ZMYM4: variants seen among roughly 807,000 people sequenced by gnomAD.
ZMYM4 encodes the protein zinc finger MYM-type containing 4, also known as zinc finger MYM-type protein 4.
In ZMYM4, 31 loss-of-function variants were observed where a neutral mutation model predicts 183.2. That is an observed-to-expected ratio of 0.17 (90% CI 0.13 to 0.23). The LOEUF is 0.23. Among genes scored for constraint, ZMYM4 ranks in the 10% least tolerant of loss-of-function variants. The pLI is 1.00. For missense variants in ZMYM4, 1,273 were observed against 1,840.3 expected (o/e 0.69, Z 5.64); for synonymous variants, 592 against 631.2 (o/e 0.94, Z 0.93).
intron 13 of ZMYM4, among the ~76,000 whole-genome samples, chr1:35,387,888 C>T (rs1330771953): frequency 1.3e-5 from 2 of 152,106 alleles, no homozygotes; most frequent in Non-Finnish European, 2.9e-5. Flanking sequence ...TGATCGGGAC[C>T]TCAAAGAGCT....
intron 27 of ZMYM4, among the ~76,000 whole-genome samples, chr1:35,415,171 G>A (rs1021784259): frequency 6.6e-6 from 1 of 152,144 alleles, no homozygotes; most frequent in African/African-American, 2.4e-5. Flanking sequence ...AGCCTATATG[G>A]CCTACACATC....
chr1:35,413,415 T>C lies in ZMYM4; in HGVS notation c.3949-557T>C, dbSNP rs186201466. Among the ~76,000 whole-genome samples the C allele has an allele frequency of 1.6e-3, 241 of 152,340 alleles. 1 individual carries two copies. The highest frequency in any genetic ancestry group is 2.4e-3 in the Non-Finnish European group (166 of 68,036). ...TGGTTATAATTAACATAGTTCAATG[T>C]CCTATAATTAGACTTGAACTTTTTT... On this transcript the variant is annotated intron_variant, in intron 26 of 29. Transcript: ENST00000314607.
chr1:35,370,224 C>A, intron 6 of ZMYM4, 111 bp downstream of exon 6: 2 of 1,486,832 alleles, frequency 1.3e-6, no homozygotes, highest in Non-Finnish European at 1.8e-6. Flanking sequence ...ACTTAGGATG[C>A]CTTTAAATTG....
At chr1:35,357,935 A>G (rs572639055) in intron 2 of ZMYM4, among the ~76,000 whole-genome samples, 1 of 152,348 alleles carries the variant, frequency 6.6e-6, no homozygotes, top group East Asian at 1.9e-4. Flanking sequence ...GAACAGAAGA[A>G]GAGTATAAAA....
chr1:35,325,086 CT>C lies in ZMYM4; in HGVS notation c.40-270del, dbSNP rs1242240937. On this transcript the variant is annotated intron_variant, in intron 1 of 29. Coordinates refer to ENST00000314607, the MANE Select transcript of ZMYM4 (RefSeq NM_005095.3). ...GTTATTAAAATATATATGATCATCT[CT>C]TTTGTGACATGAATGATTAAAAAAA... Among the ~76,000 whole-genome samples the C allele has an allele frequency of 5.9e-5, 9 of 151,548 alleles. No individual in the cohort carries two copies. The South Asian group carries it at 1.7e-3, about 28-fold the overall frequency.
At chr1:35,286,772 ATTTTTTTTTTTTTTTTTTTTTTTTT>A (rs71062872) in intron 1 of ZMYM4, among the ~76,000 whole-genome samples, 1 of 46,462 alleles carries the variant, frequency 2.2e-5, no homozygotes, top group Non-Finnish European at 4.4e-5. Context: ...TATTTAAATA[ATTTTTTTTTTTTTTTTTTTTTTTTT>A]TTTTTTTTTT....
intron 2 of ZMYM4, among the ~76,000 whole-genome samples, chr1:35,327,254 C>T (rs1642545276): frequency 6.6e-6 from 1 of 152,300 alleles, no homozygotes; most frequent in South Asian, 2.1e-4. Context: ...TTCTTTTATA[C>T]ATGTGTAATT....
At chr1:35,291,054 G>C (rs1640736203) in intron 1 of ZMYM4, among the ~76,000 whole-genome samples, 1 of 152,098 alleles carries the variant, frequency 6.6e-6, no homozygotes, top group African/African-American at 2.4e-5. Flanking sequence ...TATGCATATA[G>C]TGGTAAAATT....
At chr1:35,296,843 CTTTTTTTTTTTT>C (rs780202714) in intron 1 of ZMYM4, among the ~76,000 whole-genome samples, 1 of 95,626 alleles carries the variant, frequency 1.0e-5, no homozygotes, top group African/African-American at 5.1e-5. Flanking sequence ...TTCTTTCTTT[CTTTTTTTTTTTT>C]TTTTTTTTTT....
In ZMYM4 at chr1:35,365,821, T is replaced by C. The variant is rs571517217; in HGVS notation, c.840+4032T>C. 1.1e-3 allele frequency: 171 copies of C among 152,342 alleles called. 1 individual carries two copies. The highest frequency in any genetic ancestry group is 4.0e-3 in the African/African-American group (165 of 41,582). 9.4% of individuals were successfully genotyped at this position (152,342 alleles called of 1,614,324 possible). A position where few individuals can be genotyped will look rare whatever the true frequency, so the allele number is the denominator to read the frequency against. ...TATTAGTATTTGGCTACTCATTGAT[T>C]TGTTTATCAAATACTTGTAAAATTA... is the stretch of plus-strand genomic sequence containing the variant. On this transcript the variant is annotated intron_variant, in intron 5 of 29. Coordinates refer to ENST00000314607, the MANE Select transcript of ZMYM4 (RefSeq NM_005095.3).
chr1:35,300,710 T>C (rs1442449151), intron 1 of ZMYM4, among the ~76,000 whole-genome samples: 8 of 152,348 alleles, frequency 5.3e-5, no homozygotes, highest in South Asian at 4.1e-4. Context: ...ATCTTAGACA[T>C]TGGGTTTTTC....
In ZMYM4 at chr1:35,269,045, A is replaced by C. The variant is rs539681934; in HGVS notation, c.-2A>C. On this transcript the variant is annotated 5_prime_UTR_variant, in exon 1 of 30. Coordinates refer to ENST00000314607, the MANE Select transcript of ZMYM4 (RefSeq NM_005095.3). Reference sequence around the variant, plus strand: ...CCGCAGCGGTTCCGAGCGGGGCCCAACATGGCGGAGAGAGAGGTGGAGTCC... The same window carrying C: ...CCGCAGCGGTTCCGAGCGGGGCCCACCATGGCGGAGAGAGAGGTGGAGTCC... 5.2e-6 allele frequency: 8 copies of C among 1,547,334 alleles called. No individual in the cohort carries two copies. Among genetic ancestry groups the C allele is most frequent in the Middle Eastern group, 2.0e-4 (1 of 4,974 alleles).
At chr1:35,399,139 A>G in intron 22 of ZMYM4, 96 bp downstream of exon 22, 5 of 1,205,916 alleles carry the variant, frequency 4.1e-6, no homozygotes, top group Non-Finnish European at 5.8e-6. Flanking sequence ...ATTGTTATTG[A>G]TAATAACAGT....
intron 18 of ZMYM4, among the ~76,000 whole-genome samples, chr1:35,396,340 A>G (rs921352139): frequency 1.3e-5 from 2 of 152,074 alleles, no homozygotes; most frequent in Non-Finnish European, 2.9e-5. Flanking sequence ...TCCTCACATC[A>G]CTGATATTTG....
intron 19 of ZMYM4, chr1:35,397,142 T>G: frequency 9.0e-7 from 1 of 1,108,276 alleles, no homozygotes; most frequent in Non-Finnish European, 1.1e-6. Context: ...ATTATAGAAT[T>G]ATTCTTTTAG....
intron 1 of ZMYM4, among the ~76,000 whole-genome samples, chr1:35,289,089 A>G (rs1640639059): frequency 6.6e-6 from 1 of 152,210 alleles, no homozygotes; most frequent in South Asian, 2.1e-4. Flanking sequence ...AAATAGAGAA[A>G]ATAATTTTAG....
intron 4 of ZMYM4, 101 bp from the exon 5 acceptor site, chr1:35,361,517 AT>A: frequency 7.5e-7 from 1 of 1,331,142 alleles, no homozygotes; most frequent in Middle Eastern, 2.4e-4. Context: ...ATGAATGTCC[AT>A]AGAGTTCTTC....
rs202221565 is a variant in ZMYM4, at chr1:35,290,165, T to A, written c.39+21080T>A. ...GTATTTTTAGTAGAGACAGGGTTTC[T>A]CCATGTTGGCCAGGCTGGCCTTGAA... On this transcript the variant is annotated intron_variant, in intron 1 of 29. Coordinates refer to ENST00000314607, the MANE Select transcript of ZMYM4 (RefSeq NM_005095.3). 2.6e-5 allele frequency among the ~76,000 whole-genome samples: 4 copies of A among 152,004 alleles called. No homozygotes were observed. The South Asian group carries it at 8.3e-4, about 32-fold the overall frequency.
At chr1:35,283,823 T>C (rs1640324396) in intron 1 of ZMYM4, among the ~76,000 whole-genome samples, 1 of 152,210 alleles carries the variant, frequency 6.6e-6, no homozygotes, top group Admixed American at 6.5e-5. Context: ...TTGCTTGTCT[T>C]TTTTGTTGTT....
Sources: gnomAD v4.1 joint callset for allele counts (sites outside exome capture counted in the v4.1 genomes callset) on GRCh38, gnomAD v4.1.1 for gene constraint, MANE v1.5 for transcripts, NCBI Gene and HGNC (gene_info 2026-07-23, HGNC 2026-07-21) for gene names.